TMPO: variants seen among roughly 807,000 people sequenced by gnomAD.
The protein encoded by TMPO is thymopoietin.
TMPO carries 22 observed loss-of-function variants against 45.4 expected under a neutral mutation model. The ratio of observed to expected loss-of-function variants is 0.48; its 90% confidence interval spans 0.35 to 0.69. TMPO has a LOEUF of 0.69. Ranked by LOEUF, TMPO falls within the 30% of genes least tolerant of loss-of-function variation. TMPO has a pLI of 0.01. For synonymous variants in TMPO, 241 were observed against 204.1 expected (o/e 1.18, Z -1.54); for missense variants, 512 against 548.8 (o/e 0.93, Z 0.67).
chr12:98,520,695 C>T (rs887389731), intron 1 of TMPO, among the ~76,000 whole-genome samples: 1 of 151,668 alleles, frequency 6.6e-6, no homozygotes, highest in Non-Finnish European at 1.5e-5. Context: ...GCAATCTCGG[C>T]TCCCTGCAAG....
At chr12:98,533,825 C>T in intron 3 of TMPO, 1 of 1,614,218 alleles carries the variant, frequency 6.2e-7, no homozygotes, top group South Asian at 1.1e-5. Context: ...TATCCAGTTT[C>T]TTCCAGGGAG....
intron 4 of TMPO, 137 bp downstream of exon 4, chr12:98,537,709 A>G: frequency 2.5e-6 from 2 of 785,444 alleles, no homozygotes; most frequent in South Asian, 1.5e-5. Context: ...AAATGATACT[A>G]AAAATCTAAA....
chr12:98,521,707 T>C (rs1341929809), intron 1 of TMPO, among the ~76,000 whole-genome samples: 2 of 152,132 alleles, frequency 1.3e-5, no homozygotes, highest in African/African-American at 4.8e-5. Context: ...GAGCATAATA[T>C]TCTTGAATGA....
Position 98,528,580 on chromosome 12 carries a change from TA to T in TMPO, c.406+569del, listed in dbSNP as rs1381465203. Among the ~76,000 whole-genome samples the T allele has an allele frequency of 2.0e-5, 3 of 151,374 alleles. No individual in the cohort carries two copies. In the East Asian group the frequency reaches 5.9e-4, roughly 30 times the overall value. ...GTGTGAGCCACCGTGCCTGGCCACT[TA>T]TATCGTACTTCTGCTGAGACGTGGG... On this transcript the variant is annotated intron_variant, in intron 2 of 8. Transcript: ENST00000556029.
chr12:98,515,684 G>A lies in TMPO; in HGVS notation c.-184G>A. On this transcript the variant is annotated 5_prime_UTR_variant, in exon 1 of 9. Coordinates refer to ENST00000556029, the MANE Select transcript of TMPO (RefSeq NM_001032283.3). ...AGTTGGTTCGTAGTTCGGCTCTGGG[G>A]TCTTTTGTGTCCGGGTCTGGCTTGG... is the stretch of plus-strand genomic sequence containing the variant. The A allele has an allele frequency of 7.6e-7, 1 of 1,307,822 alleles. No individual in the cohort carries two copies. Among genetic ancestry groups the A allele is most frequent in the South Asian group, 1.5e-5 (1 of 68,138 alleles). 81.0% of individuals were successfully genotyped at this position (1,307,822 alleles called of 1,614,324 possible).
At chr12:98,546,478 G>A in intron 8 of TMPO, 31 bp downstream of exon 8, 38 of 1,316,698 alleles carry the variant, frequency 2.9e-5, no homozygotes, top group Middle Eastern at 1.8e-4. Context: ...AAGTACTAGT[G>A]TATTCTAGTA....
intron 3 of TMPO, chr12:98,533,271 A>C (rs761975789): frequency 6.2e-7 from 1 of 1,613,994 alleles, no homozygotes; most frequent in East Asian, 2.2e-5. Context: ...GTGGAATTCA[A>C]CCATTATGTC....
intron 1 of TMPO, among the ~76,000 whole-genome samples, chr12:98,526,883 G>T (rs1035220486): frequency 1.3e-5 from 2 of 152,002 alleles, no homozygotes; most frequent in African/African-American, 4.8e-5. Context: ...GCTTGAACCC[G>T]GGAGTCGGAG....
intron 4 of TMPO, among the ~76,000 whole-genome samples, chr12:98,538,826 A>G (rs1027532297): frequency 6.6e-6 from 1 of 152,226 alleles, no homozygotes; most frequent in African/African-American, 2.4e-5. Context: ...CTTTGTTAAC[A>G]TAGAACCAAA....
intron 8 of TMPO, among the ~76,000 whole-genome samples, chr12:98,547,322 G>A (rs1434076103): frequency 2.0e-5 from 3 of 152,100 alleles, no homozygotes; most frequent in Admixed American, 6.6e-5. Context: ...TGATCTGCCC[G>A]CCTTGGCCTC....
At chr12:98,532,896 C>T (rs773017839) in intron 3 of TMPO, 4 of 1,614,168 alleles carry the variant, frequency 2.5e-6, no homozygotes, top group South Asian at 2.2e-5. Context: ...GAACTACTCC[C>T]TCTGGTGGTG....
chr12:98,540,635 C>T (rs1877861743), intron 4 of TMPO, among the ~76,000 whole-genome samples: 1 of 152,348 alleles, frequency 6.6e-6, no homozygotes, highest in African/African-American at 2.4e-5. Context: ...GCCTCAGCCT[C>T]CCAAAATGCT....
intron 4 of TMPO, among the ~76,000 whole-genome samples, chr12:98,540,395 G>A (rs1006574498): frequency 2.0e-5 from 3 of 152,064 alleles, no homozygotes; most frequent in African/African-American, 7.2e-5. Context: ...GTTTTTGTTT[G>A]TTTGTTTTTT....
rs534312199 is a variant in TMPO at position 98,518,458 on chromosome 12, T to G, written c.279+2312T>G. On this transcript the variant is annotated intron_variant, in intron 1 of 8. Transcript: ENST00000556029. ...CGGGGCATGCACCGCTACACCCGGC[T>G]AATTTTCTAATCTTTTTTTTTTTTT... Among the ~76,000 whole-genome samples, 3 of 146,288 alleles carry G rather than the reference T, an allele frequency of 2.1e-5. No individual in the cohort carries two copies. In the East Asian group the frequency reaches 5.9e-4, roughly 29 times the overall value.
chr12:98,533,058 G>A lies in TMPO; in HGVS notation c.565+1220G>A, dbSNP rs781091247. On this transcript the variant is annotated intron_variant, in intron 3 of 8. Transcript: ENST00000556029. Reference sequence around the variant, plus strand: ...CAAACTTGCCTGGCAGGGGACAGTTGCAGAAGTTAGCCTCTGAAAGGAATT... The same window carrying A: ...CAAACTTGCCTGGCAGGGGACAGTTACAGAAGTTAGCCTCTGAAAGGAATT... 7.4e-6 allele frequency: 12 copies of A among 1,613,580 alleles called. No individual in the cohort carries two copies. Among genetic ancestry groups the A allele is most frequent in the Admixed American group, 1.7e-5 (1 of 59,986 alleles).
Position 98,515,772 on chromosome 12 carries a change from T to C in TMPO, c.-96T>C, listed in dbSNP as rs1254518768. On this transcript the variant is annotated 5_prime_UTR_variant, in exon 1 of 9. Transcript: ENST00000556029. ...TCTTCCCGGGCAGGAGCCGTGAGGC[T>C]CGGAGGCGGCAGCGCGGTCCCCGGC... 3.2e-6 allele frequency: 5 copies of C among 1,547,620 alleles called. No homozygotes were observed. The highest frequency in any genetic ancestry group is 4.4e-6 in the Non-Finnish European group (5 of 1,146,320).
chr12:98,537,246 G>A (rs146797115), intron 3 of TMPO, among the ~76,000 whole-genome samples: 1 of 152,328 alleles, frequency 6.6e-6, no homozygotes, highest in East Asian at 1.9e-4. Flanking sequence ...GTAGGAAGAA[G>A]TGGTTGTCAG....
At chr12:98,528,169 A>T (rs1876921666) in intron 2 of TMPO, among the ~76,000 whole-genome samples, 157 bp downstream of exon 2, 1 of 152,148 alleles carries the variant, frequency 6.6e-6, no homozygotes, top group Admixed American at 6.5e-5. Flanking sequence ...TAAATGAGTG[A>T]AATAAAATGA....
intron 7 of TMPO, 28 bp from the exon 8 acceptor site, chr12:98,546,331 G>A (rs1565817650): frequency 6.9e-7 from 1 of 1,453,536 alleles, no homozygotes; most frequent in Middle Eastern, 1.9e-4. Flanking sequence ...TTTAACTTGT[G>A]GTTGTTTGTT....
Sources: allele counts gnomAD v4.1 joint callset (sites outside exome capture counted in the v4.1 genomes callset), GRCh38; gene constraint gnomAD v4.1.1; transcripts MANE v1.5; gene names NCBI Gene and HGNC (gene_info 2026-07-23, HGNC 2026-07-21).